TDRP: variants seen among roughly 807,000 people sequenced by gnomAD.
TDRP encodes testis development-related protein.
In TDRP, 12 loss-of-function variants were observed where a neutral mutation model predicts 10.5. That is an observed-to-expected ratio of 1.15 (90% CI 0.73 to 1.86). The LOEUF is 1.86. Among genes scored for constraint, TDRP ranks in the 40% most tolerant of loss-of-function variants. The pLI is 0.00. For missense variants in TDRP, 353 were observed against 229.2 expected (o/e 1.54, Z -3.49); for synonymous variants, 139 against 95.4 (o/e 1.46, Z -2.67).
chr8:522,886 T>C (rs1341106507), intron 1 of TDRP, among the ~76,000 whole-genome samples: 1 of 152,192 alleles, frequency 6.6e-6, no homozygotes, highest in Non-Finnish European at 1.5e-5. Context: ...GGAATCTTTT[T>C]CCATATTTTC....
At chr8:498,311 C>G (rs1801189509) in intron 1 of TDRP, among the ~76,000 whole-genome samples, 1 of 152,188 alleles carries the variant, frequency 6.6e-6, no homozygotes, top group African/African-American at 2.4e-5. Flanking sequence ...GCGTTGGAAG[C>G]CCACCCCTTG....
At chr8:518,323 A>G (rs893474345) in intron 1 of TDRP, among the ~76,000 whole-genome samples, 2 of 152,192 alleles carry the variant, frequency 1.3e-5, no homozygotes, top group African/African-American at 4.8e-5. Flanking sequence ...GATGACAACA[A>G]TAACTGGCTC....
In TDRP at chr8:490,736, T is replaced by C. The variant is rs941542373; in HGVS notation, c.*1663A>G. Reference sequence around the variant, plus strand: ...AACTTAGCTGTTATACTAAAAATTATGAACTTGTCTCTGTATTATGGAACA... The same window carrying C: ...AACTTAGCTGTTATACTAAAAATTACGAACTTGTCTCTGTATTATGGAACA... On this transcript the variant is annotated 3_prime_UTR_variant, in exon 3 of 3. Transcript: ENST00000324079. 2.6e-5 allele frequency: 4 copies of C among 152,268 alleles called. No individual in the cohort carries two copies. The highest frequency in any genetic ancestry group is 9.6e-5 in the African/African-American group (4 of 41,482). The allele number at this position is 152,268 out of a possible 1,614,324, so 9.4% of individuals were successfully genotyped here. A position where few individuals can be genotyped will look rare whatever the true frequency, so the allele number is the denominator to read the frequency against.
rs547206469 is a variant in TDRP at position 490,934 on chromosome 8, G to C, written c.*1465C>G. 5 of 152,204 alleles carry C rather than the reference G, an allele frequency of 3.3e-5. No homozygotes were observed. The highest frequency in any genetic ancestry group is 9.6e-5 in the African/African-American group (4 of 41,520). The allele number at this position is 152,204 out of a possible 1,614,324, so 9.4% of individuals were successfully genotyped here. ...GCTAGATGGATGTAGACTGAGAGAA[G>C]ACAGACATAGAGGACAGGTGAATAG... is the stretch of plus-strand genomic sequence containing the variant. On this transcript the variant is annotated 3_prime_UTR_variant, in exon 3 of 3. Coordinates refer to ENST00000324079, the MANE Select transcript of TDRP (RefSeq NM_001384899.1).
At chr8:529,417 CTATAT>C (rs1486855293) in intron 1 of TDRP, among the ~76,000 whole-genome samples, 1 of 152,202 alleles carries the variant, frequency 6.6e-6, no homozygotes, top group Non-Finnish European at 1.5e-5. Flanking sequence ...ACCACCATTA[CTATAT>C]TATAGGATTC....
intron 1 of TDRP, among the ~76,000 whole-genome samples, chr8:516,124 A>C (rs1432818032): frequency 6.6e-6 from 1 of 152,194 alleles, no homozygotes; most frequent in Non-Finnish European, 1.5e-5. Context: ...ATTTATCCTC[A>C]AAGTACTACA....
chr8:520,317 G>A (rs1005450611), intron 1 of TDRP, among the ~76,000 whole-genome samples: 1 of 151,906 alleles, frequency 6.6e-6, no homozygotes, highest in South Asian at 2.1e-4. Flanking sequence ...ATATTCCATT[G>A]AACATATGTA....
At chr8:519,651 T>A (rs1037267470) in intron 1 of TDRP, among the ~76,000 whole-genome samples, 1 of 151,992 alleles carries the variant, frequency 6.6e-6, no homozygotes, top group African/African-American at 2.4e-5. Flanking sequence ...AAGGGTTGGG[T>A]TGCTCACTGC....
chr8:498,834 T>C (rs1241386452), intron 1 of TDRP, among the ~76,000 whole-genome samples: 3 of 152,124 alleles, frequency 2.0e-5, no homozygotes, highest in Non-Finnish European at 4.4e-5. Flanking sequence ...GTTCTTGTGA[T>C]AGTGAGTTCT....
chr8:523,227 A>G (rs1801951521), intron 1 of TDRP, among the ~76,000 whole-genome samples: 1 of 152,114 alleles, frequency 6.6e-6, no homozygotes, highest in Non-Finnish European at 1.5e-5. Context: ...TATAGTTATA[A>G]TAATCTATTT....
intron 1 of TDRP, among the ~76,000 whole-genome samples, chr8:535,846 C>G (rs1028724686): frequency 6.6e-6 from 1 of 152,026 alleles, no homozygotes; most frequent in Admixed American, 6.5e-5. Flanking sequence ...GGGGTGGGCC[C>G]ACCCGAGGCA....
chr8:492,414 C>CG lies in TDRP; in HGVS notation c.542dup (p.Glu182GlyfsTer25). ...GCAGCCCCCCTCACTCCGCCTCCTCCGGGCTATCTGTCAGGTGGCCTTTAC... is the reference window on the plus strand; with the variant it reads ...GCAGCCCCCCTCACTCCGCCTCCTCCGGGGCTATCTGTCAGGTGGCCTTTAC... On this transcript the variant is annotated frameshift_variant, in exon 3 of 3. Coordinates refer to ENST00000324079, the MANE Select transcript of TDRP (RefSeq NM_001384899.1). LOFTEE classifies it high-confidence loss of function. 6.4e-7 allele frequency: 1 copy of CG among 1,556,264 alleles called. No individual in the cohort carries two copies. The highest frequency in any genetic ancestry group is 8.7e-7 in the Non-Finnish European group (1 of 1,147,676).
chr8:537,637 CAAGT>C (rs1392486366), intron 1 of TDRP, among the ~76,000 whole-genome samples: 2 of 152,142 alleles, frequency 1.3e-5, no homozygotes, highest in Non-Finnish European at 2.9e-5. Context: ...GTCTTGTAAA[CAAGT>C]AAGAATTCAC....
At position 491,771 on chromosome 8, in the gene TDRP, C is replaced by G; in HGVS notation, c.*628G>C. 7.2e-7 allele frequency: 1 copy of G among 1,382,576 alleles called. No individual in the cohort carries two copies. Among genetic ancestry groups the G allele is most frequent in the Non-Finnish European group, 9.3e-7 (1 of 1,076,830 alleles). The allele number at this position is 1,382,576 out of a possible 1,614,324, so 85.6% of individuals were successfully genotyped here. A position where few individuals can be genotyped will look rare whatever the true frequency, so the allele number is the denominator to read the frequency against. ...AAATTCCAAAAAAGAACCACTGTTA[C>G]TATCCAGTGGACATACAAGAAGCTA... On this transcript the variant is annotated 3_prime_UTR_variant, in exon 3 of 3. Coordinates refer to ENST00000324079, the MANE Select transcript of TDRP (RefSeq NM_001384899.1).
chr8:490,841 C>G lies in TDRP; in HGVS notation c.*1558G>C, dbSNP rs951037343. On this transcript the variant is annotated 3_prime_UTR_variant, in exon 3 of 3. Transcript: ENST00000324079. ...TGTTTGAACACCAATTGAAACATGT[C>G]CCCCTTTCAAGACTTGATAAGTAAA... is the stretch of plus-strand genomic sequence containing the variant. 1 of 151,984 alleles carries G rather than the reference C, an allele frequency of 6.6e-6. No homozygotes were observed. Among genetic ancestry groups the G allele is most frequent in the African/African-American group, 2.4e-5 (1 of 41,370 alleles). 9.4% of individuals were successfully genotyped at this position (151,984 alleles called of 1,614,324 possible).
intron 1 of TDRP, among the ~76,000 whole-genome samples, chr8:500,190 G>A (rs1392558300): frequency 6.6e-6 from 1 of 152,196 alleles, no homozygotes; most frequent in East Asian, 1.9e-4. Flanking sequence ...TCCTGTTTTA[G>A]CTATACCTTA....
At chr8:536,691 T>C (rs1802355158) in intron 1 of TDRP, among the ~76,000 whole-genome samples, 1 of 152,242 alleles carries the variant, frequency 6.6e-6, no homozygotes, top group Admixed American at 6.5e-5. Context: ...TATCAAATTT[T>C]AAATATTGAA....
At chr8:531,371 G>C (rs868679207) in intron 1 of TDRP, among the ~76,000 whole-genome samples, 2 of 152,168 alleles carry the variant, frequency 1.3e-5, no homozygotes, top group African/African-American at 2.4e-5. Context: ...ATGTGGAGTG[G>C]CATAAGAGAC....
At chr8:508,515 G>A (rs549646008) in intron 1 of TDRP, among the ~76,000 whole-genome samples, 2 of 152,242 alleles carry the variant, frequency 1.3e-5, no homozygotes, top group East Asian at 1.9e-4. Flanking sequence ...GAAGGGGGAA[G>A]ACTCCCTTAT....
Sources: gnomAD v4.1 joint callset for allele counts (sites outside exome capture counted in the v4.1 genomes callset) on GRCh38, gnomAD v4.1.1 for gene constraint, MANE v1.5 for transcripts, NCBI Gene and HGNC (gene_info 2026-07-23, HGNC 2026-07-21) for gene names.